WDR45: variants seen among roughly 807,000 people sequenced by gnomAD.
WDR45 encodes the protein WD repeat domain 45.
WDR45 carries 2 observed loss-of-function variants against 27.3 expected under a neutral mutation model. That is an observed-to-expected ratio of 0.07 (90% CI 0.03 to 0.23). WDR45 has a LOEUF of 0.23. Ranked by LOEUF, WDR45 falls within the 10% of genes least tolerant of loss-of-function variation. The pLI is 1.00. For missense variants in WDR45, 175 were observed against 311.9 expected, an observed-to-expected ratio of 0.56 and a Z score of 3.31; for synonymous variants, 99 against 119.2, an observed-to-expected ratio of 0.83 and a Z score of 1.11.
In WDR45 at chrX:49,074,735, C is replaced by G. The variant is rs1323106098; in HGVS notation, c.*68G>C. 14 of 956,257 alleles carry G rather than the reference C, an allele frequency of 1.5e-5. No homozygotes were observed. Among genetic ancestry groups the G allele is most frequent in the South Asian group, 2.0e-5 (1 of 49,324 alleles). The allele number at this position is 956,257 out of a possible 1,213,427, so 78.8% of individuals were successfully genotyped here. ...CTTGCTGGCTGGTGGCTTCCAAGCA[C>G]GCCCCACTGCCAAGGCTCAGCTCTG... On this transcript the variant is annotated 3_prime_UTR_variant, in exon 11 of 11. Coordinates refer to ENST00000376372, the MANE Select transcript of WDR45 (RefSeq NM_001029896.2).
chrX:49,075,892 G>A lies in WDR45; in HGVS notation c.490C>T (p.His164Tyr), dbSNP rs782328705. 1.7e-6 allele frequency: 2 copies of A among 1,208,277 alleles called. No homozygotes were observed. The highest frequency in any genetic ancestry group is 3.5e-5 in the African/African-American group (2 of 56,741). ...LEKQLLVFPGHKCGSLQLVDL... is the reference protein window; with the variant it reads ...LEKQLLVFPGYKCGSLQLVDL... Reference sequence around the variant, plus strand: ...ACAAGTTGCAGACTCCCACACTTGTGTCCCGGGAACACTAGCAGTTGCTTC... The same window carrying A: ...ACAAGTTGCAGACTCCCACACTTGTATCCCGGGAACACTAGCAGTTGCTTC... Residue 164 changes from histidine to tyrosine, a missense_variant, in exon 7 of 11, where the codon CAC (histidine) becomes TAC (tyrosine). Transcript: ENST00000376372.
At chrX:49,097,943 C>A (rs1354364900) in intron 2 of WDR45, among the ~76,000 whole-genome samples, 2 of 109,964 alleles carry the variant, frequency 1.8e-5, no homozygotes, top group Admixed American at 9.8e-5. Flanking sequence ...CAGGCACGAG[C>A]CACTGTGCCC....
At chrX:49,098,369 C>T (rs1557087640) in intron 2 of WDR45, among the ~76,000 whole-genome samples, 2 of 109,045 alleles carry the variant, frequency 1.8e-5, no homozygotes, top group African/African-American at 6.7e-5. Flanking sequence ...GTGGCGAGCA[C>T]CTGTAAATCC....
chrX:49,084,894 T>C (rs1167543746), upstream of WDR45, among the ~76,000 whole-genome samples: 4 of 111,403 alleles, frequency 3.6e-5, no homozygotes, highest in African/African-American at 1.3e-4. Flanking sequence ...CTCGGCCTCC[T>C]AAAGTGCTGA....
chrX:49,100,634 A>T (rs1569524140), intron 1 of WDR45: 4 of 114,194 alleles, frequency 3.5e-5, no homozygotes, highest in Admixed American at 1.9e-4. Context: ...GCCCCATCCG[A>T]CCAGACCTTA....
chrX:49,075,266 G>C lies in WDR45; in HGVS notation c.843C>G (p.Gly281=). ...LNRRSALARV[G]KVGPMIGQYV... ...ACTGCCCAATCATAGGCCCCACCTTGCCCACGCGAGCCAGCCTGCAGGCAG... is the reference window on the plus strand; with the variant it reads ...ACTGCCCAATCATAGGCCCCACCTTCCCCACGCGAGCCAGCCTGCAGGCAG... The change falls in exon 10 of 11, where the codon GGC becomes GGG. Residue 281 remains glycine, a synonymous_variant. Coordinates refer to ENST00000376372, the MANE Select transcript of WDR45 (RefSeq NM_001029896.2). 2 of 1,210,939 alleles carry C rather than the reference G, an allele frequency of 1.7e-6. No individual in the cohort carries two copies. Among genetic ancestry groups the C allele is most frequent in the Non-Finnish European group, 2.2e-6 (2 of 894,918 alleles).
At chrX:49,075,027 C>T (rs182874960) in intron 10 of WDR45, 109 bp downstream of exon 10, 13 of 1,149,817 alleles carry the variant, frequency 1.1e-5, no homozygotes, top group Non-Finnish European at 1.5e-5. Flanking sequence ...TGCTGTCCCC[C>T]TTACTGATGA....
rs782737701 is a variant in WDR45, at chrX:49,099,578, G to A, written c.-18+627C>T. Among the ~76,000 whole-genome samples the A allele has an allele frequency of 3.7e-3, 408 of 110,033 alleles. 1 individual carries two copies. Among genetic ancestry groups the A allele is most frequent in the African/African-American group, 0.013 (383 of 30,252 alleles). On this transcript the variant is annotated intron_variant, in intron 2 of 11. Coordinates refer to the WDR45 transcript ENST00000356463. The stretch of plus-strand genomic sequence containing the variant: ...AGGCGGATCACGAGGTCAGGAGATC[G>A]AGACCATCCTGGCTAACACGGTGAA...
chrX:49,096,478 G>C (rs959842114), intron 2 of WDR45, among the ~76,000 whole-genome samples: 3 of 112,251 alleles, frequency 2.7e-5, no homozygotes, highest in African/African-American at 9.7e-5. Flanking sequence ...CGATCCTCCT[G>C]TCTCAGCCTC....
Position 49,075,961 on chromosome X carries a change from G to T in WDR45, c.437-16C>A. On this transcript the variant is annotated splice_polypyrimidine_tract_variant and intron_variant, in intron 6 of 10. Transcript: ENST00000376372. ...TCACAGAGCCCTAGGGTGTGAAGATGGGGGGTGGGGTGGGCGGCTGAAGAG... is the reference window on the plus strand; with the variant it reads ...TCACAGAGCCCTAGGGTGTGAAGATTGGGGGTGGGGTGGGCGGCTGAAGAG... 8.4e-7 allele frequency: 1 copy of T among 1,186,567 alleles called. No homozygotes were observed. The highest frequency in any genetic ancestry group is 1.8e-5 in the South Asian group (1 of 55,567).
At chrX:49,085,172 GA>G (rs1490505705) in intron 2 of WDR45, among the ~76,000 whole-genome samples, 2 of 111,841 alleles carry the variant, frequency 1.8e-5, no homozygotes, top group East Asian at 5.6e-4. Context: ...GGAGCACAGA[GA>G]ATCACAGAGA....
intron 2 of WDR45, among the ~76,000 whole-genome samples, chrX:49,099,430 T>C (rs921684482): frequency 1.2e-4 from 13 of 111,284 alleles, no homozygotes; most frequent in Admixed American, 9.7e-5. Flanking sequence ...AATAGCAACC[T>C]TTTTCCTCAT....
rs1752315898 is a variant in WDR45 at position 49,078,647 on chromosome X, T to G, written c.-17-535A>C. On this transcript the variant is annotated intron_variant, in intron 1 of 10. Transcript: ENST00000376372. ...GGCAAGCTCCAGGCCCACACTGACG[T>G]GGACCCCACACCTCCTCTTTACATG... 4.5e-5 allele frequency among the ~76,000 whole-genome samples: 5 copies of G among 112,311 alleles called. No individual in the cohort carries two copies. The South Asian group carries it at 1.9e-3, about 42-fold the overall frequency.
In WDR45 at chrX:49,075,963, G is replaced by C. The variant is rs782442195; in HGVS notation, c.437-18C>G. ...ACAGAGCCCTAGGGTGTGAAGATGG[G>C]GGGTGGGGTGGGCGGCTGAAGAGGA... On this transcript the variant is annotated intron_variant, in intron 6 of 10. Transcript: ENST00000376372. The C allele has an allele frequency of 8.5e-7, 1 of 1,174,435 alleles. No individual in the cohort carries two copies. Among genetic ancestry groups the C allele is most frequent in the Admixed American group, 2.2e-5 (1 of 45,058 alleles).
At chrX:49,100,813 G>C (rs782409681) in intron 1 of WDR45, 1 of 113,016 alleles carries the variant, frequency 8.8e-6, no homozygotes, top group East Asian at 2.8e-4. Flanking sequence ...TGTATCCAGA[G>C]ACCACAGAGG....
chrX:49,075,328 G>A (rs1557083935), intron 9 of WDR45, 36 bp downstream of exon 9: 1 of 1,208,583 alleles, frequency 8.3e-7, no homozygotes, highest in Non-Finnish European at 1.1e-6. Flanking sequence ...TGGGCAGGGG[G>A]ACAGGGACAC....
chrX:49,095,928 ATTGTTT>A (rs1178701120), intron 2 of WDR45, among the ~76,000 whole-genome samples: 1 of 105,706 alleles, frequency 9.5e-6, no homozygotes, highest in East Asian at 3.0e-4. Context: ...AAGCCTGGCT[ATTGTTT>A]TTGTATTTTT....
In WDR45 at chrX:49,088,999, G is replaced by T. The variant is rs782607016; in HGVS notation, c.-17-10887C>A. On this transcript the variant is annotated intron_variant, in intron 2 of 11. Coordinates refer to the WDR45 transcript ENST00000356463. ...CAGATTAAAAAATGCAAAGAAACTA[G>T]AAAGTAGGCCAGACACAGTGGCTCA... Among the ~76,000 whole-genome samples, 39 of 112,533 alleles carry T rather than the reference G, an allele frequency of 3.5e-4. 1 individual carries two copies. The South Asian group carries it at 0.013, about 37-fold the overall frequency.
At chrX:49,098,973 C>T (rs1401061186) in intron 2 of WDR45, among the ~76,000 whole-genome samples, 1 of 111,726 alleles carries the variant, frequency 9.0e-6, no homozygotes, top group African/African-American at 3.3e-5. Context: ...GAAGTATATA[C>T]AAAGTATTAT....
Sources: allele counts gnomAD v4.1 joint callset (sites outside exome capture counted in the v4.1 genomes callset), GRCh38; gene constraint gnomAD v4.1.1; transcripts MANE v1.5; gene names NCBI Gene and HGNC (gene_info 2026-07-23, HGNC 2026-07-21).